MYMX: variants seen among roughly 807,000 people sequenced by gnomAD.
MYMX encodes the protein protein myomixer.
chr6:44,195,391 C>T, the MYMX span, among the ~76,000 whole-genome samples: 4 of 152,168 alleles, frequency 2.6e-5, no homozygotes, highest in South Asian at 4.1e-4. Flanking sequence ...TGTGGAACAT[C>T]GCCATCTCTG....
chr6:44,205,977 C>T, the MYMX span, among the ~76,000 whole-genome samples: 3 of 43,200 alleles, frequency 6.9e-5, no homozygotes, highest in Non-Finnish European at 1.4e-4. Flanking sequence ...CAGACCCTTT[C>T]TCAAAAAAAA....
At chr6:44,196,799 A>C in the MYMX span, among the ~76,000 whole-genome samples, 1 of 151,998 alleles carries the variant, frequency 6.6e-6, no homozygotes, top group African/African-American at 2.4e-5. Flanking sequence ...TCTCTATTAA[A>C]AATACAAAAT....
chr6:44,204,655 T>A, the MYMX span, among the ~76,000 whole-genome samples: 1 of 152,176 alleles, frequency 6.6e-6, no homozygotes, highest in Non-Finnish European at 1.5e-5. Flanking sequence ...GAGAGACTTG[T>A]ATCTTACATA....
chr6:44,215,543 A>C (rs527381576), upstream of MYMX, among the ~76,000 whole-genome samples: 12 of 152,308 alleles, frequency 7.9e-5, no homozygotes, highest in East Asian at 2.3e-3. Context: ...ATGGCACTCC[A>C]GCCTGGGTGA....
At chr6:44,212,460 G>A (rs1271916353), upstream of MYMX, among the ~76,000 whole-genome samples, 2 of 151,250 alleles carry the variant, frequency 1.3e-5, no homozygotes, top group African/African-American at 2.4e-5. Context: ...ATAAAATACT[G>A]TCACCACGAA....
chr6:44,208,689 A>G, the MYMX span, among the ~76,000 whole-genome samples: 1 of 152,200 alleles, frequency 6.6e-6, no homozygotes, highest in Admixed American at 6.6e-5. Flanking sequence ...GGCCTGGGAC[A>G]TATAGGTTGA....
chr6:44,203,731 C>T, the MYMX span, among the ~76,000 whole-genome samples: 1 of 152,174 alleles, frequency 6.6e-6, no homozygotes, highest in African/African-American at 2.4e-5. Context: ...CTTTTCCTTT[C>T]ACATTTCTTA....
chr6:44,194,782 C>T, the MYMX span, among the ~76,000 whole-genome samples: 71 of 151,770 alleles, frequency 4.7e-4, no homozygotes, highest in African/African-American at 1.7e-3. Context: ...TGAGGGAGGT[C>T]GGGAAGGAAA....
chr6:44,205,081 G>C, the MYMX span, among the ~76,000 whole-genome samples: 1 of 152,138 alleles, frequency 6.6e-6, no homozygotes, highest in Non-Finnish European at 1.5e-5. Context: ...TTTCAAATCT[G>C]ACCTGCCTTT....
the MYMX span, among the ~76,000 whole-genome samples, chr6:44,196,870 A>G: frequency 1.2e-4 from 19 of 152,150 alleles, no homozygotes; most frequent in Middle Eastern, 3.4e-3. Flanking sequence ...AGGCAGAAGA[A>G]TCGCTTGAAC....
rs1411219394 is a variant in MYMX, at chr6:44,217,664, G to A, written c.193G>A (p.Ala65Thr). The A allele has an allele frequency of 1.2e-5, 5 of 401,020 alleles. No individual in the cohort carries two copies. The highest frequency in any genetic ancestry group is 1.1e-4 in the East Asian group (3 of 28,086). 24.8% of individuals were successfully genotyped at this position (401,020 alleles called of 1,614,324 possible). ...TCTCAGCCAGCGACACTCGCCAGAC[G>A]CTGGGGAGGCCTCAAGAGTGGACCG... ...FILSQRHSPD[A>T]GEASRVDRLE... The change falls in exon 2 of 2, where the codon GCT (alanine) becomes ACT (threonine). Residue 65 changes from alanine (A) to threonine (T), a missense_variant. Transcript: ENST00000573382.
the MYMX span, among the ~76,000 whole-genome samples, chr6:44,198,234 C>T: frequency 1.5e-5 from 2 of 136,398 alleles, no homozygotes; most frequent in Non-Finnish European, 3.0e-5. Context: ...GCGATCTCGG[C>T]TCACTGCAAC....
At chr6:44,215,375 C>T (rs1159632462), upstream of MYMX, among the ~76,000 whole-genome samples, 1 of 151,596 alleles carries the variant, frequency 6.6e-6, no homozygotes, top group African/African-American at 2.4e-5. Flanking sequence ...GAGTTAGAGA[C>T]CAGCTTGGGC....
At chr6:44,214,048 G>C (rs184817241), upstream of MYMX, among the ~76,000 whole-genome samples, 32 of 152,186 alleles carry the variant, frequency 2.1e-4, no homozygotes, top group Admixed American at 1.8e-3. Context: ...TGAAATCCTG[G>C]GCTGAAAAGT....
At chr6:44,204,617 G>T in the MYMX span, among the ~76,000 whole-genome samples, 1 of 152,146 alleles carries the variant, frequency 6.6e-6, no homozygotes, top group Non-Finnish European at 1.5e-5. Flanking sequence ...ATCAGGAAGA[G>T]ATTTACTCCA....
At chr6:44,214,761 TG>T (rs1187863083), upstream of MYMX, among the ~76,000 whole-genome samples, 2 of 152,080 alleles carry the variant, frequency 1.3e-5, no homozygotes, top group African/African-American at 4.8e-5. Context: ...TTAGTAGAGA[TG>T]GGGTTTCACC....
upstream of MYMX, among the ~76,000 whole-genome samples, chr6:44,212,860 C>CA (rs138470528): frequency 0.23 from 19,403 of 83,602 alleles, 1,767 homozygotes; most frequent in East Asian, 0.34. Flanking sequence ...CTTGTCTCTC[C>CA]AAAAAAAAAA....
At chr6:44,194,041 G>A in the MYMX span, among the ~76,000 whole-genome samples, 1 of 151,624 alleles carries the variant, frequency 6.6e-6, no homozygotes, top group Non-Finnish European at 1.5e-5. Context: ...CCACTTTCTT[G>A]GAGATATGTT....
chr6:44,207,382 A>G, the MYMX span, among the ~76,000 whole-genome samples: 1 of 151,782 alleles, frequency 6.6e-6, no homozygotes, highest in Non-Finnish European at 1.5e-5. Context: ...CTCGTGATCC[A>G]CCCGCCTTGG....
Sources: gnomAD v4.1 joint callset for allele counts (sites outside exome capture counted in the v4.1 genomes callset) on GRCh38, gnomAD v4.1.1 for gene constraint, MANE v1.5 for transcripts, NCBI Gene and HGNC (gene_info 2026-07-23, HGNC 2026-07-21) for gene names.